ADAMTSL1: variants seen among roughly 807,000 people sequenced by gnomAD.
The protein encoded by ADAMTSL1 is ADAMTS-like protein 1.
In ADAMTSL1, 126 loss-of-function variants were observed where a neutral mutation model predicts 201.8. The ratio of observed to expected loss-of-function variants is 0.62; its 90% CI spans 0.54 to 0.72. ADAMTSL1 has a LOEUF of 0.72. Among genes scored for constraint, ADAMTSL1 ranks in the 30% least tolerant of loss-of-function variants. The pLI, the probability that ADAMTSL1 is intolerant of heterozygous loss-of-function variation, is 0.00. For synonymous variants in ADAMTSL1, 1,121 were observed against 903.4 expected, an observed-to-expected ratio of 1.24 and a Z score of -4.32; for missense variants, 2,679 against 2,277.8, an observed-to-expected ratio of 1.18 and a Z score of -3.59.
At chr9:18,180,762 C>T (rs1347204089) in intron 2 of ADAMTSL1, among the ~76,000 whole-genome samples, 2 of 152,094 alleles carry the variant, frequency 1.3e-5, no homozygotes, top group Non-Finnish European at 2.9e-5. Flanking sequence ...CAATGACTTT[C>T]TTCACAGAAT....
At chr9:18,186,114 C>A (rs1471001364) in intron 2 of ADAMTSL1, among the ~76,000 whole-genome samples, 1 of 152,136 alleles carries the variant, frequency 6.6e-6, no homozygotes, top group Non-Finnish European at 1.5e-5. Context: ...GCAGCCTGGA[C>A]AACCTGGCCT....
intron 25 of ADAMTSL1, among the ~76,000 whole-genome samples, chr9:18,892,091 A>G (rs1829313136): frequency 6.6e-6 from 1 of 152,140 alleles, no homozygotes; most frequent in Admixed American, 6.5e-5. Context: ...CTGTATGAAC[A>G]CTTGTTATGG....
At chr9:18,491,394 C>T (rs781412260) in intron 1 of ADAMTSL1, among the ~76,000 whole-genome samples, 3 of 152,066 alleles carry the variant, frequency 2.0e-5, no homozygotes, top group Admixed American at 6.6e-5. Context: ...TAAACAACAT[C>T]GATGTGGAAG....
intron 20 of ADAMTSL1, among the ~76,000 whole-genome samples, chr9:18,796,153 T>C (rs761706500): frequency 5.0e-4 from 76 of 152,210 alleles, no homozygotes; most frequent in Non-Finnish European, 4.6e-4. Context: ...GTAAAAGACA[T>C]GTAGAGCTTT....
chr9:18,034,633 C>G (rs1308208238), intron 1 of ADAMTSL1, among the ~76,000 whole-genome samples: 1 of 152,116 alleles, frequency 6.6e-6, no homozygotes, highest in African/African-American at 2.4e-5. Flanking sequence ...GTTTTCTCTC[C>G]TTCTCTGTGG....
chr9:18,857,218 C>T (rs1340718575), intron 23 of ADAMTSL1, among the ~76,000 whole-genome samples: 6 of 152,162 alleles, frequency 3.9e-5, no homozygotes, highest in Non-Finnish European at 8.8e-5. Context: ...CTCATCCATT[C>T]GGGAGTAAGT....
chr9:18,343,345 C>A (rs1835556982), intron 2 of ADAMTSL1, among the ~76,000 whole-genome samples: 2 of 151,998 alleles, frequency 1.3e-5, no homozygotes, highest in East Asian at 3.9e-4. Flanking sequence ...TTTTCACCCT[C>A]TCTCTCTCCC....
chr9:18,167,275 G>T (rs1827677573), intron 2 of ADAMTSL1, among the ~76,000 whole-genome samples: 1 of 151,876 alleles, frequency 6.6e-6, no homozygotes, highest in Non-Finnish European at 1.5e-5. Flanking sequence ...CACTTCATTT[G>T]CCTGTAGCTT....
intron 2 of ADAMTSL1, among the ~76,000 whole-genome samples, chr9:18,197,952 C>T (rs893341961): frequency 8.6e-5 from 13 of 152,014 alleles, no homozygotes; most frequent in South Asian, 4.2e-4. Context: ...GAAATAATGC[C>T]GCATATCTAC....
chr9:17,984,781 T>C (rs1818856715), intron 1 of ADAMTSL1, among the ~76,000 whole-genome samples: 1 of 152,152 alleles, frequency 6.6e-6, no homozygotes, highest in East Asian at 1.9e-4. Flanking sequence ...TTCCTTCTTT[T>C]TAAATGAATG....
chr9:18,826,561 A>T (rs745742209), intron 22 of ADAMTSL1, 98 bp downstream of exon 22: 3 of 1,400,118 alleles, frequency 2.1e-6, no homozygotes, highest in Non-Finnish European at 2.9e-6. Flanking sequence ...AATTAAGGAC[A>T]TAAAAGGTAA....
upstream of ADAMTSL1, chr9:18,473,883 C>T (rs1312176243): frequency 3.2e-6 from 1 of 315,564 alleles, no homozygotes; most frequent in East Asian, 6.5e-5. Flanking sequence ...TGCAATTCTG[C>T]ATCTTTTGCA....
intron 2 of ADAMTSL1, among the ~76,000 whole-genome samples, chr9:18,219,914 C>T (rs921602612): frequency 6.6e-6 from 1 of 151,920 alleles, no homozygotes; most frequent in Admixed American, 6.6e-5. Context: ...TTTCTATAGA[C>T]TTGCTTTGAT....
intron 1 of ADAMTSL1, among the ~76,000 whole-genome samples, chr9:18,023,771 C>T (rs1450309883): frequency 6.6e-6 from 1 of 152,000 alleles, no homozygotes; most frequent in Non-Finnish European, 1.5e-5. Flanking sequence ...CCTTATGTTT[C>T]TTGAAAGACT....
At chr9:18,488,989 A>G (rs1002213522) in intron 1 of ADAMTSL1, among the ~76,000 whole-genome samples, 1 of 152,220 alleles carries the variant, frequency 6.6e-6, no homozygotes, top group African/African-American at 2.4e-5. Flanking sequence ...TGTCTAATTT[A>G]GGGTTCTCAA....
chr9:18,271,898 G>A (rs1476553983), intron 2 of ADAMTSL1, among the ~76,000 whole-genome samples: 1 of 151,924 alleles, frequency 6.6e-6, no homozygotes, highest in African/African-American at 2.4e-5. Flanking sequence ...TCTCATTGTG[G>A]TTTTGATTTG....
intron 26 of ADAMTSL1, among the ~76,000 whole-genome samples, chr9:18,899,424 C>T (rs1246369441): frequency 6.6e-6 from 1 of 152,160 alleles, no homozygotes; most frequent in African/African-American, 2.4e-5. Flanking sequence ...CATTGACATT[C>T]ATCACAGAAT....
At chr9:17,917,062 T>C (rs1826122903) in intron 1 of ADAMTSL1, among the ~76,000 whole-genome samples, 1 of 152,170 alleles carries the variant, frequency 6.6e-6, no homozygotes, top group Admixed American at 6.5e-5. Flanking sequence ...CAATTCTTTT[T>C]TTGTTAGTAT....
At chr9:18,473,736 T>G (rs1821312629), upstream of ADAMTSL1, among the ~76,000 whole-genome samples, 1 of 152,142 alleles carries the variant, frequency 6.6e-6, no homozygotes, top group African/African-American at 2.4e-5. Context: ...CTCTCCTGAA[T>G]GGAACAATAC....
Sources: allele counts gnomAD v4.1 joint callset (sites outside exome capture counted in the v4.1 genomes callset), GRCh38; gene constraint gnomAD v4.1.1; transcripts MANE v1.5; gene names NCBI Gene and HGNC (gene_info 2026-07-23, HGNC 2026-07-21).